KLHL15: variants seen among roughly 807,000 people sequenced by gnomAD.
KLHL15 encodes the protein kelch like family member 15.
KLHL15 carries 1 observed loss-of-function variant against 29.3 expected under a neutral mutation model. The ratio of observed to expected loss-of-function variants is 0.03; its 90% CI spans 0.01 to 0.16. The LOEUF (loss-of-function observed/expected upper bound fraction) is 0.16, where lower values mean the gene tolerates loss of function less well. Among genes scored for constraint, KLHL15 ranks in the 10% least tolerant of loss-of-function variants. The probability of loss-of-function intolerance (pLI) is 1.00; values close to 1 mark genes in which losing one functional copy is unlikely to be tolerated. For missense variants in KLHL15, 215 were observed against 478.5 expected (o/e 0.45, Z 5.14); for synonymous variants, 212 against 184.5 (o/e 1.15, Z -1.21).
chrX:24,007,505 A>T (rs1430432761), intron 2 of KLHL15, among the ~76,000 whole-genome samples: 1 of 56,474 alleles, frequency 1.8e-5, no homozygotes, highest in Non-Finnish European at 2.9e-5. Context: ...AAAAAAAAAA[A>T]AAAATATATA....
At chrX:24,001,791 G>A (rs1250797414) in intron 3 of KLHL15, among the ~76,000 whole-genome samples, 2 of 69,033 alleles carry the variant, frequency 2.9e-5, no homozygotes, top group African/African-American at 5.8e-5. Flanking sequence ...GAGACAGAGC[G>A]AGACTTGACT....
chrX:24,006,050 G>A lies in KLHL15; in HGVS notation c.644C>T (p.Thr215Ile). 1 of 1,211,289 alleles carries A rather than the reference G, an allele frequency of 8.3e-7. No individual in the cohort carries two copies. Among genetic ancestry groups the A allele is most frequent in the South Asian group, 1.8e-5 (1 of 56,903 alleles). The change falls in exon 3 of 4, where the codon ACC becomes ATC. Residue 215 changes from threonine (T) to isoleucine (I), a missense_variant. Coordinates refer to ENST00000328046, the MANE Select transcript of KLHL15 (RefSeq NM_030624.3). ...LRHDRRRWRH[T>I]DTIIQNIRFC... The stretch of plus-strand genomic sequence containing the variant: ...CCGGATATTCTGAATGATGGTATCG[G>A]TATGTCTCCAGCGTCTTCTATCATG...
intron 3 of KLHL15, among the ~76,000 whole-genome samples, chrX:23,996,127 G>GT (rs1929183369): frequency 8.9e-6 from 1 of 112,210 alleles, no homozygotes; most frequent in Non-Finnish European, 1.9e-5. Context: ...TTATCTATCA[G>GT]AAGGGGTGGA....
intron 3 of KLHL15, among the ~76,000 whole-genome samples, chrX:24,001,156 G>T (rs1231266222): frequency 1.3e-4 from 15 of 111,861 alleles, no homozygotes; most frequent in African/African-American, 4.9e-4. Context: ...TGTATTTAAA[G>T]CAGAATACTT....
At chrX:23,992,851 G>A (rs1313286829) in intron 3 of KLHL15, among the ~76,000 whole-genome samples, 3 of 112,132 alleles carry the variant, frequency 2.7e-5, no homozygotes, top group Non-Finnish European at 3.8e-5. Flanking sequence ...GTATTATAAC[G>A]AGTGAAATAG....
intron 3 of KLHL15, 87 bp downstream of exon 3, chrX:24,005,902 C>T (rs1414839351): frequency 3.0e-6 from 2 of 660,423 alleles, no homozygotes; most frequent in Non-Finnish European, 4.6e-6. Context: ...TCATTCTTGG[C>T]TCTTAAGTCT....
rs1039193669 is a variant in KLHL15 at position 23,985,754 on chromosome X, T to C, written c.*2167A>G. ...AACCACCACTATAGTGTAAAGGCTT[T>C]GATGTGGATACCTGGCCTGATGGCT... On this transcript the variant is annotated 3_prime_UTR_variant, in exon 4 of 4. Transcript: ENST00000328046. The C allele has an allele frequency of 8.9e-6, 1 of 112,340 alleles. No homozygotes were observed. Among genetic ancestry groups the C allele is most frequent in the Non-Finnish European group, 1.9e-5 (1 of 53,218 alleles). The allele number at this position is 112,340 out of a possible 1,213,427, so 9.3% of individuals were successfully genotyped here. A position where few individuals can be genotyped will look rare whatever the true frequency, so the allele number is the denominator to read the frequency against.
At chrX:24,007,801 A>G (rs1027258576) in intron 2 of KLHL15, among the ~76,000 whole-genome samples, 5 of 110,587 alleles carry the variant, frequency 4.5e-5, no homozygotes, top group African/African-American at 1.6e-4. Flanking sequence ...TTATTTAAAA[A>G]TCAGAAACTA....
chrX:24,006,981 G>A (rs1184016563), intron 2 of KLHL15, among the ~76,000 whole-genome samples: 3 of 109,364 alleles, frequency 2.7e-5, no homozygotes, highest in Non-Finnish European at 5.7e-5. Flanking sequence ...CCAGGAGTTG[G>A]AGACCAGCCT....
chrX:23,999,392 G>A (rs1929261408), intron 3 of KLHL15, among the ~76,000 whole-genome samples: 2 of 107,679 alleles, frequency 1.9e-5, no homozygotes, highest in Non-Finnish European at 3.8e-5. Context: ...TCAGGAGATC[G>A]ATACCATCTT....
At chrX:23,989,455 G>A (rs1045796283) in intron 3 of KLHL15, among the ~76,000 whole-genome samples, 9 of 111,741 alleles carry the variant, frequency 8.1e-5, no homozygotes, top group African/African-American at 9.7e-5. Context: ...GATTACAGGC[G>A]TGAGCCACTG....
intron 3 of KLHL15, among the ~76,000 whole-genome samples, chrX:23,995,264 G>A (rs757216664): frequency 2.7e-5 from 3 of 109,889 alleles, no homozygotes; most frequent in South Asian, 3.9e-4. Flanking sequence ...AAAATTATCC[G>A]GGCATGTTGG....
At chrX:24,010,884 A>G (rs749873083) in intron 2 of KLHL15, among the ~76,000 whole-genome samples, 2 of 110,941 alleles carry the variant, frequency 1.8e-5, no homozygotes, top group South Asian at 3.8e-4. Flanking sequence ...TCATTTACTA[A>G]AAGGAAGAGC....
intron 3 of KLHL15, among the ~76,000 whole-genome samples, chrX:23,995,096 A>T (rs968598725): frequency 8.0e-5 from 9 of 111,842 alleles, no homozygotes; most frequent in African/African-American, 2.6e-4. Flanking sequence ...TCCTGTAAAT[A>T]TGTATACACA....
At position 24,024,969 on chromosome X, in the gene KLHL15, C is replaced by G. The variant is rs1219773442; in HGVS notation, c.-120G>C. On this transcript the variant is annotated 5_prime_UTR_variant, in exon 2 of 4. Coordinates refer to ENST00000328046, the MANE Select transcript of KLHL15 (RefSeq NM_030624.3). ...CCGGGACGGCACTCGGCAGGCTCCT[C>G]GGACGTCTACGAGCAGCCGCTCCCG... The G allele has an allele frequency of 3.4e-6, 1 of 297,272 alleles. No individual in the cohort carries two copies. The highest frequency in any genetic ancestry group is 2.7e-5 in the African/African-American group (1 of 36,988). 24.5% of individuals were successfully genotyped at this position (297,272 alleles called of 1,213,427 possible).
intron 2 of KLHL15, among the ~76,000 whole-genome samples, chrX:24,021,591 T>C (rs934876320): frequency 8.9e-6 from 1 of 112,555 alleles, no homozygotes; most frequent in Non-Finnish European, 1.9e-5. Flanking sequence ...TAATAAGTGC[T>C]TAATAAATAT....
intron 3 of KLHL15, among the ~76,000 whole-genome samples, chrX:24,001,731 G>A (rs1345505240): frequency 1.0e-5 from 1 of 96,666 alleles, no homozygotes; most frequent in East Asian, 3.3e-4. Context: ...TTGAACCCGG[G>A]GGGCGGAGGT....
intron 2 of KLHL15, among the ~76,000 whole-genome samples, chrX:24,016,366 A>G (rs1929683842): frequency 1.2e-5 from 1 of 83,939 alleles, no homozygotes; most frequent in East Asian, 3.4e-4. Context: ...AAAAAAAAAA[A>G]AAGGGGGGGT....
chrX:23,989,772 T>C (rs966306313), intron 3 of KLHL15, among the ~76,000 whole-genome samples: 1 of 111,025 alleles, frequency 9.0e-6, no homozygotes, highest in Non-Finnish European at 1.9e-5. Flanking sequence ...TCAGTAGATA[T>C]CAGGTCAAAC....
Sources: gnomAD v4.1 joint callset for allele counts (sites outside exome capture counted in the v4.1 genomes callset) on GRCh38, gnomAD v4.1.1 for gene constraint, MANE v1.5 for transcripts, NCBI Gene and HGNC (gene_info 2026-07-23, HGNC 2026-07-21) for gene names.